CNPY1: variants seen among roughly 807,000 people sequenced by gnomAD.
CNPY1 encodes the protein canopy FGF signaling regulator 1, also known as protein canopy homolog 1.
Under a neutral mutation model 14.4 loss-of-function variants are expected in CNPY1, and 14 were observed. The ratio of observed to expected loss-of-function variants is 0.97; its 90% confidence interval spans 0.64 to 1.52. The LOEUF (loss-of-function observed/expected upper bound fraction) is 1.52, where lower values mean the gene tolerates loss of function less well. Among genes scored for constraint, CNPY1 ranks in the 40% most tolerant of loss-of-function variants. The pLI is 0.00. For missense variants in CNPY1, 129 were observed against 131.5 expected (o/e 0.98, Z 0.09); for synonymous variants, 43 against 46.5 (o/e 0.92, Z 0.31).
At chr7:155,515,469 A>T (rs1487308271) in intron 2 of CNPY1, among the ~76,000 whole-genome samples, 1 of 152,102 alleles carries the variant, frequency 6.6e-6, no homozygotes, top group Non-Finnish European at 1.5e-5. Flanking sequence ...CACCCACTGA[A>T]ATAGACACGA....
chr7:155,521,734 G>A (rs1461335193), intron 2 of CNPY1, among the ~76,000 whole-genome samples: 1 of 152,224 alleles, frequency 6.6e-6, no homozygotes, highest in Non-Finnish European at 1.5e-5. Flanking sequence ...ATAAAGTTTC[G>A]TGGGACACAG....
At chr7:155,520,408 T>TTTTCTTTC (rs1157640647) in intron 2 of CNPY1, among the ~76,000 whole-genome samples, 7 of 150,182 alleles carry the variant, frequency 4.7e-5, no homozygotes, top group African/African-American at 1.5e-4. Context: ...CTCTTTTTCT[T>TTTTCTTTC]TTTCTTTCTT....
intron 2 of CNPY1, among the ~76,000 whole-genome samples, chr7:155,514,307 T>G (rs1177812194): frequency 6.6e-6 from 1 of 152,196 alleles, no homozygotes; most frequent in Non-Finnish European, 1.5e-5. Context: ...AAAGAACATG[T>G]GCCCAGTGGA....
chr7:155,532,965 A>G (rs1326755252), intron 2 of CNPY1, among the ~76,000 whole-genome samples: 1 of 152,196 alleles, frequency 6.6e-6, no homozygotes, highest in African/African-American at 2.4e-5. Flanking sequence ...GTCTGAGTCT[A>G]CAGTCAGAAA....
At chr7:155,519,562 T>TAAATAAGA (rs1484145913) in intron 2 of CNPY1, among the ~76,000 whole-genome samples, 2 of 136,430 alleles carry the variant, frequency 1.5e-5, no homozygotes, top group East Asian at 2.0e-4. Context: ...AATAAATAAA[T>TAAATAAGA]AAGAAAGAAA....
chr7:155,543,866 C>T (rs976682868), intron 2 of CNPY1, among the ~76,000 whole-genome samples: 1 of 152,242 alleles, frequency 6.6e-6, no homozygotes, highest in African/African-American at 2.4e-5. Flanking sequence ...AGCTGCGACT[C>T]TAAGATTGCC....
At chr7:155,520,352 G>A (rs967623959) in intron 2 of CNPY1, among the ~76,000 whole-genome samples, 1 of 151,884 alleles carries the variant, frequency 6.6e-6, no homozygotes, top group Non-Finnish European at 1.5e-5. Context: ...CCCACATGCG[G>A]TCCCAGGGCA....
intron 2 of CNPY1, among the ~76,000 whole-genome samples, chr7:155,541,590 TGAG>T (rs1797084711): frequency 1.3e-5 from 2 of 152,188 alleles, no homozygotes; most frequent in Non-Finnish European, 2.9e-5. Context: ...CCTCAGATGA[TGAG>T]GAGGGAGGCC....
chr7:155,510,998 T>G (rs994495838), intron 2 of CNPY1, among the ~76,000 whole-genome samples: 1 of 152,266 alleles, frequency 6.6e-6, no homozygotes. Flanking sequence ...AGCTGATACA[T>G]ATACAATATA....
At position 155,543,452 on chromosome 7, in the gene CNPY1, T is replaced by C. The variant is rs570489805; in HGVS notation, c.99+2379A>G. 1.3e-3 allele frequency among the ~76,000 whole-genome samples: 196 copies of C among 152,290 alleles called. 1 individual carries two copies. The highest frequency in any genetic ancestry group is 2.2e-3 in the Non-Finnish European group (147 of 68,028). On this transcript the variant is annotated intron_variant, in intron 2 of 4. Transcript: ENST00000636446. ...ACTGCCAGATCCCCTACTTCCGAAT[T>C]TGGCCAAGTAGCCTGCTGACGGAAG...
intron 2 of CNPY1, among the ~76,000 whole-genome samples, chr7:155,528,715 T>C (rs1048665874): frequency 2.6e-5 from 4 of 152,196 alleles, no homozygotes; most frequent in African/African-American, 9.6e-5. Context: ...CTTCCTGCAC[T>C]TCCCTGTTCT....
At chr7:155,514,963 T>C (rs1796588739) in intron 2 of CNPY1, among the ~76,000 whole-genome samples, 1 of 151,870 alleles carries the variant, frequency 6.6e-6, no homozygotes, top group African/African-American at 2.4e-5. Flanking sequence ...AAGGGACAAA[T>C]GAACTGGATG....
chr7:155,535,641 C>A (rs1797015096), intron 2 of CNPY1, among the ~76,000 whole-genome samples: 1 of 152,172 alleles, frequency 6.6e-6, no homozygotes, highest in African/African-American at 2.4e-5. Context: ...ACACACGAGG[C>A]CTGATTTAAT....
At chr7:155,514,308 G>A (rs564828666) in intron 2 of CNPY1, among the ~76,000 whole-genome samples, 6 of 152,290 alleles carry the variant, frequency 3.9e-5, no homozygotes, top group African/African-American at 1.4e-4. Flanking sequence ...AAGAACATGT[G>A]CCCAGTGGAA....
intron 2 of CNPY1, among the ~76,000 whole-genome samples, chr7:155,537,423 T>A (rs1212532830): frequency 6.7e-6 from 1 of 149,418 alleles, no homozygotes; most frequent in Non-Finnish European, 1.5e-5. Context: ...TTTTTTCTTT[T>A]CTTTTTTTTT....
At chr7:155,522,944 A>G (rs906460795) in intron 2 of CNPY1, among the ~76,000 whole-genome samples, 1 of 152,222 alleles carries the variant, frequency 6.6e-6, no homozygotes, top group Non-Finnish European at 1.5e-5. Context: ...GCCTCCCTGT[A>G]TGGGAGCTGC....
chr7:155,527,601 C>T (rs1796853698), intron 2 of CNPY1, among the ~76,000 whole-genome samples: 1 of 149,932 alleles, frequency 6.7e-6, no homozygotes, highest in African/African-American at 2.5e-5. Context: ...GCCACCACAC[C>T]CTGCTAATTT....
intron 4 of CNPY1, 139 bp downstream of exon 4, chr7:155,506,881 C>T (rs1323083586): frequency 5.5e-6 from 3 of 549,308 alleles, no homozygotes; most frequent in African/African-American, 2.0e-5. Context: ...GTTTCTGATT[C>T]AGCGGAGACG....
chr7:155,512,513 A>G (rs2116697625), intron 2 of CNPY1, among the ~76,000 whole-genome samples: 1 of 152,338 alleles, frequency 6.6e-6, no homozygotes, highest in East Asian at 1.9e-4. Context: ...TAGAGTGGAA[A>G]GAAGTACTTG....
Sources: allele counts gnomAD v4.1 joint callset (sites outside exome capture counted in the v4.1 genomes callset), GRCh38; gene constraint gnomAD v4.1.1; transcripts MANE v1.5; gene names NCBI Gene and HGNC (gene_info 2026-07-23, HGNC 2026-07-21).